SNTG1: variants seen among roughly 807,000 people sequenced by gnomAD.
SNTG1 encodes gamma-1-syntrophin.
SNTG1 carries 39 observed loss-of-function variants against 74.7 expected under a neutral mutation model. The observed-to-expected ratio is 0.52, with a 90% CI of 0.40 to 0.68. The LOEUF (loss-of-function observed/expected upper bound fraction) is 0.68. SNTG1 is among the 30% of genes least tolerant of loss of function. The pLI, the probability that SNTG1 is intolerant of heterozygous loss-of-function variation, is 0.00. For missense variants in SNTG1, 685 were observed against 609.5 expected (o/e 1.12, Z -1.30); for synonymous variants, 254 against 217.1 (o/e 1.17, Z -1.49).
At chr8:50,300,698 T>G (rs1321829958) in intron 2 of SNTG1, among the ~76,000 whole-genome samples, 16 of 152,152 alleles carry the variant, frequency 1.1e-4, no homozygotes, top group Non-Finnish European at 2.2e-4. Context: ...GGATTCAAGT[T>G]ACCATCTGGT....
chr8:50,348,599 A>C (rs973327874), intron 2 of SNTG1, among the ~76,000 whole-genome samples: 1 of 152,182 alleles, frequency 6.6e-6, no homozygotes, highest in Non-Finnish European at 1.5e-5. Flanking sequence ...TAGGATGATA[A>C]ATCAGAAATC....
intron 8 of SNTG1, among the ~76,000 whole-genome samples, chr8:50,484,378 G>A (rs574134568): frequency 1.3e-5 from 2 of 151,536 alleles, no homozygotes; most frequent in African/African-American, 4.8e-5. Context: ...ACCATTCCTG[G>A]CTAATTTTTT....
chr8:50,573,378 T>C (rs931386383), intron 12 of SNTG1, among the ~76,000 whole-genome samples: 18 of 152,000 alleles, frequency 1.2e-4, no homozygotes, highest in Admixed American at 9.2e-4. Context: ...CAAGCAGATC[T>C]TTATTAAAAT....
At chr8:49,930,520 T>A (rs1428610181) in intron 1 of SNTG1, among the ~76,000 whole-genome samples, 1 of 151,964 alleles carries the variant, frequency 6.6e-6, no homozygotes, top group Admixed American at 6.6e-5. Flanking sequence ...TGTATATATA[T>A]ATGTGTGTGT....
At chr8:50,241,103 G>T (rs186486101) in intron 2 of SNTG1, among the ~76,000 whole-genome samples, 2 of 152,304 alleles carry the variant, frequency 1.3e-5, no homozygotes, top group Admixed American at 6.5e-5. Context: ...TTTCCTCTCA[G>T]TCTGGGTTAA....
chr8:49,982,684 C>A (rs1458586906), intron 1 of SNTG1, among the ~76,000 whole-genome samples: 13 of 149,080 alleles, frequency 8.7e-5, no homozygotes, highest in Admixed American at 8.1e-4. Flanking sequence ...GACCAAGGAC[C>A]AAGGATGCTA....
At chr8:50,510,371 A>G (rs527642960) in intron 9 of SNTG1, among the ~76,000 whole-genome samples, 6 of 152,198 alleles carry the variant, frequency 3.9e-5, no homozygotes, top group South Asian at 2.1e-4. Context: ...TTGGTCTTAA[A>G]TTGTCTTTTT....
intron 2 of SNTG1, among the ~76,000 whole-genome samples, chr8:50,250,249 G>C (rs2086588300): frequency 6.6e-6 from 1 of 151,250 alleles, no homozygotes; most frequent in Admixed American, 6.6e-5. Flanking sequence ...TAGGCATTTT[G>C]AAATAACCCT....
chr8:50,556,682 A>T (rs1306113687), intron 12 of SNTG1, among the ~76,000 whole-genome samples: 4 of 152,184 alleles, frequency 2.6e-5, no homozygotes, highest in African/African-American at 9.6e-5. Context: ...TATATTTGGC[A>T]TAATATATAA....
intron 2 of SNTG1, among the ~76,000 whole-genome samples, chr8:50,186,858 G>A (rs1027882505): frequency 4.6e-5 from 7 of 152,008 alleles, no homozygotes; most frequent in Non-Finnish European, 8.8e-5. Context: ...TCTGATGCTG[G>A]TTTCTTTTGC....
intron 9 of SNTG1, among the ~76,000 whole-genome samples, chr8:50,506,519 C>A (rs907636476): frequency 2.6e-5 from 4 of 151,920 alleles, no homozygotes; most frequent in African/African-American, 9.7e-5. Flanking sequence ...TTTAATTTCT[C>A]AATGATATTT....
At chr8:49,944,919 C>T (rs1374478685) in intron 1 of SNTG1, among the ~76,000 whole-genome samples, 1 of 152,160 alleles carries the variant, frequency 6.6e-6, no homozygotes, top group South Asian at 2.1e-4. Flanking sequence ...TCCTGAGTAG[C>T]TGGGACTACA....
chr8:50,433,412 T>C (rs1237158378), intron 4 of SNTG1, among the ~76,000 whole-genome samples: 1 of 152,048 alleles, frequency 6.6e-6, no homozygotes, highest in East Asian at 1.9e-4. Context: ...CCTGGCCTTA[T>C]TCCCAATCTT....
intron 18 of SNTG1, among the ~76,000 whole-genome samples, chr8:50,760,916 G>A (rs979202916): frequency 8.6e-5 from 13 of 151,870 alleles, no homozygotes; most frequent in African/African-American, 1.2e-4. Context: ...AGGACCAGAC[G>A]GATTCACAGC....
At chr8:50,577,264 G>GT (rs1188444496) in intron 12 of SNTG1, among the ~76,000 whole-genome samples, 2 of 152,054 alleles carry the variant, frequency 1.3e-5, no homozygotes, top group Non-Finnish European at 1.5e-5. Flanking sequence ...TGTTAATGTG[G>GT]TGAACTACTT....
At chr8:50,042,725 T>C (rs1419861532) in intron 1 of SNTG1, among the ~76,000 whole-genome samples, 2 of 151,608 alleles carry the variant, frequency 1.3e-5, no homozygotes, top group African/African-American at 4.9e-5. Flanking sequence ...CCTGGCTAAT[T>C]GACTTTTTTT....
intron 13 of SNTG1, among the ~76,000 whole-genome samples, chr8:50,648,391 C>CT (rs953167631): frequency 6.6e-6 from 1 of 151,984 alleles, no homozygotes; most frequent in East Asian, 1.9e-4. Context: ...CCACCGCATT[C>CT]TTTTTTTTCT....
intron 12 of SNTG1, among the ~76,000 whole-genome samples, chr8:50,557,521 A>G (rs1439552990): frequency 1.3e-5 from 2 of 152,324 alleles, no homozygotes. Context: ...TCTGTAATGC[A>G]GAAGCCTTGT....
intron 15 of SNTG1, among the ~76,000 whole-genome samples, chr8:50,686,531 G>A (rs1475619703): frequency 6.6e-6 from 1 of 151,988 alleles, no homozygotes; most frequent in Non-Finnish European, 1.5e-5. Flanking sequence ...CTCAGGTAAA[G>A]CAACTAAAAC....
Sources: gnomAD v4.1 joint callset for allele counts (sites outside exome capture counted in the v4.1 genomes callset) on GRCh38, gnomAD v4.1.1 for gene constraint, MANE v1.5 for transcripts, NCBI Gene and HGNC (gene_info 2026-07-23, HGNC 2026-07-21) for gene names.